The following TMEM132D variants were observed in gnomAD, a reference collection of about 807,000 sequenced individuals.
TMEM132D encodes mature OL transmembrane protein.
A neutral mutation model predicts 62.3 loss-of-function variants in TMEM132D; 21 were observed. The ratio of observed to expected loss-of-function variants is 0.34; its 90% confidence interval spans 0.24 to 0.49. TMEM132D has a LOEUF of 0.49. Among genes scored for constraint, TMEM132D ranks in the 20% least tolerant of loss-of-function variants. TMEM132D has a pLI of 0.99. For synonymous variants in TMEM132D, 621 were observed against 575.6 expected (o/e 1.08, Z -1.13); for missense variants, 1,346 against 1,402.8 (o/e 0.96, Z 0.65).
intron 4 of TMEM132D, among the ~76,000 whole-genome samples, chr12:129,221,440 C>T (rs1593300850): frequency 6.6e-6 from 1 of 152,206 alleles, no homozygotes. Flanking sequence ...AATTCAGCTT[C>T]AGCAACTCAC....
chr12:129,899,276 G>C (rs2669599), intron 1 of TMEM132D, among the ~76,000 whole-genome samples: 107 of 113,184 alleles, frequency 9.5e-4, no homozygotes, highest in Admixed American at 2.2e-3. Flanking sequence ...TGGATGGATG[G>C]ATGCATGGAT....
At chr12:129,281,428 T>TAAA (rs1029990041) in intron 4 of TMEM132D, among the ~76,000 whole-genome samples, 3,120 of 149,798 alleles carry the variant, frequency 0.021, 52 homozygotes, top group Admixed American at 0.047. Context: ...CTTTTTTTTT[T>TAAA]AAAAAAAAAA....
At chr12:129,253,322 C>G (rs930060985) in intron 4 of TMEM132D, among the ~76,000 whole-genome samples, 26 of 151,876 alleles carry the variant, frequency 1.7e-4, no homozygotes, top group African/African-American at 5.8e-4. Context: ...ATGACTGAGA[C>G]AGTGGTCGTC....
intron 3 of TMEM132D, among the ~76,000 whole-genome samples, chr12:129,417,500 G>T (rs1402987169): frequency 1.3e-5 from 2 of 152,152 alleles, no homozygotes; most frequent in Non-Finnish European, 2.9e-5. Flanking sequence ...CTAGCCATAT[G>T]CAGAAAACTA....
chr12:129,136,433 T>C (rs1460155125), intron 5 of TMEM132D, among the ~76,000 whole-genome samples: 2 of 152,224 alleles, frequency 1.3e-5, no homozygotes, highest in Non-Finnish European at 2.9e-5. Context: ...TTGTAGAATG[T>C]TCCTCAGTTT....
At chr12:129,627,900 T>C (rs958215632) in intron 2 of TMEM132D, among the ~76,000 whole-genome samples, 3 of 152,102 alleles carry the variant, frequency 2.0e-5, no homozygotes, top group Admixed American at 1.3e-4. Context: ...AGTGGAATGA[T>C]TGCTTGAGCC....
chr12:129,622,340 G>A (rs1879096129), intron 2 of TMEM132D, among the ~76,000 whole-genome samples: 1 of 152,172 alleles, frequency 6.6e-6, no homozygotes, highest in Non-Finnish European at 1.5e-5. Context: ...CGCGTATGGG[G>A]CAGTCAGCAC....
intron 3 of TMEM132D, among the ~76,000 whole-genome samples, chr12:129,376,609 T>C (rs1870788996): frequency 6.6e-6 from 1 of 152,140 alleles, no homozygotes; most frequent in Non-Finnish European, 1.5e-5. Context: ...CCCCAGTACC[T>C]CAGTATGTGA....
At chr12:129,457,033 G>A (rs892254908) in intron 3 of TMEM132D, among the ~76,000 whole-genome samples, 3 of 151,846 alleles carry the variant, frequency 2.0e-5, no homozygotes, top group African/African-American at 4.8e-5. Context: ...TCAGTGTGGC[G>A]ATTCCTCAGG....
intron 2 of TMEM132D, among the ~76,000 whole-genome samples, chr12:129,546,004 C>T (rs1267598834): frequency 1.3e-5 from 2 of 152,272 alleles, no homozygotes; most frequent in South Asian, 2.1e-4. Flanking sequence ...TGTCTGTTCT[C>T]AGGTTGTCTG....
At chr12:129,764,336 C>G (rs1296990304) in intron 1 of TMEM132D, among the ~76,000 whole-genome samples, 2 of 152,022 alleles carry the variant, frequency 1.3e-5, no homozygotes, top group African/African-American at 4.8e-5. Context: ...AGACTTCCAC[C>G]CAAAACTCAA....
intron 5 of TMEM132D, among the ~76,000 whole-genome samples, chr12:129,181,962 G>C (rs1049669641): frequency 6.6e-6 from 1 of 152,124 alleles, no homozygotes; most frequent in Non-Finnish European, 1.5e-5. Flanking sequence ...ATTCATCTCA[G>C]TGTCTCTAGC....
At chr12:129,115,066 T>C (rs1875853874) in intron 5 of TMEM132D, among the ~76,000 whole-genome samples, 1 of 152,206 alleles carries the variant, frequency 6.6e-6, no homozygotes, top group Non-Finnish European at 1.5e-5. Context: ...ACAGAGCTCG[T>C]ATACATCCTC....
At chr12:129,375,930 T>A (rs1004489923) in intron 3 of TMEM132D, among the ~76,000 whole-genome samples, 2 of 152,214 alleles carry the variant, frequency 1.3e-5, no homozygotes, top group African/African-American at 4.8e-5. Flanking sequence ...CGATCTGGAC[T>A]ATAGCCTTGA....
At chr12:129,763,203 G>A (rs748344251) in intron 1 of TMEM132D, among the ~76,000 whole-genome samples, 3 of 152,046 alleles carry the variant, frequency 2.0e-5, no homozygotes, top group African/African-American at 4.8e-5. Flanking sequence ...TCGGTCTCCC[G>A]AATAGCTGGG....
chr12:129,583,733 A>G (rs11060449), intron 2 of TMEM132D, among the ~76,000 whole-genome samples: 2,143 of 152,332 alleles, frequency 0.014, 63 homozygotes, highest in African/African-American at 0.049. Context: ...CTGTCTGAGC[A>G]AAGAATCCCT....
At chr12:129,188,409 G>A (rs942110976) in intron 5 of TMEM132D, among the ~76,000 whole-genome samples, 9 of 152,144 alleles carry the variant, frequency 5.9e-5, no homozygotes, top group East Asian at 3.9e-4. Context: ...CAGCTGACCC[G>A]CAGGCTTCTT....
intron 3 of TMEM132D, among the ~76,000 whole-genome samples, chr12:129,516,489 A>G (rs563756476): frequency 2.0e-4 from 30 of 151,688 alleles, no homozygotes; most frequent in Non-Finnish European, 3.9e-4. Context: ...ATGGTGGCAG[A>G]CAGGAGAGAA....
chr12:129,432,194 G>GATGA (rs1372650495), intron 3 of TMEM132D, among the ~76,000 whole-genome samples: 1 of 148,522 alleles, frequency 6.7e-6, no homozygotes, highest in Non-Finnish European at 1.5e-5. Context: ...TGGATGGATG[G>GATGA]ATGGATGGTT....
Sources: gnomAD v4.1 joint callset for allele counts (sites outside exome capture counted in the v4.1 genomes callset) on GRCh38, gnomAD v4.1.1 for gene constraint, MANE v1.5 for transcripts, NCBI Gene and HGNC (gene_info 2026-07-23, HGNC 2026-07-21) for gene names.